TUBGCP2: variants seen among roughly 807,000 people sequenced by gnomAD.
TUBGCP2 encodes tubulin gamma complex component 2, also known as gamma-tubulin complex component 2.
In TUBGCP2, 55 loss-of-function variants were observed where a neutral mutation model predicts 92.2. The observed-to-expected ratio is 0.60, with a 90% CI of 0.48 to 0.75. TUBGCP2 has a LOEUF of 0.75. Ranked by LOEUF, TUBGCP2 falls within the 30% of genes least tolerant of loss-of-function variation. The pLI is 0.00. For synonymous variants in TUBGCP2, 533 were observed against 505.2 expected (o/e 1.06, Z -0.74); for missense variants, 1,093 against 1,188.9 (o/e 0.92, Z 1.19).
At chr10:133,309,845 C>T (rs761613578), upstream of TUBGCP2, 54 of 1,613,696 alleles carry the variant, frequency 3.3e-5, no homozygotes, top group Non-Finnish European at 4.2e-5. Flanking sequence ...ACTACGAGCA[C>T]CACTACCACA....
At chr10:133,291,119 G>C (rs1458203985) in intron 8 of TUBGCP2, 1 of 319,072 alleles carries the variant, frequency 3.1e-6, no homozygotes, top group Non-Finnish European at 5.9e-6. Context: ...AAGGCCATAA[G>C]CAGCTGGGCC....
chr10:133,308,746 G>A (rs1189776095), intron 1 of TUBGCP2, 77 bp downstream of exon 1: 4 of 332,576 alleles, frequency 1.2e-5, no homozygotes, highest in Non-Finnish European at 2.2e-5. Context: ...CAGCCCCGTC[G>A]CCTCGTGGGC....
chr10:133,309,600 T>TG, upstream of TUBGCP2: 2 of 1,268,838 alleles, frequency 1.6e-6, no homozygotes, highest in South Asian at 2.7e-5. Context: ...AGCTTTGGCG[T>TG]GGCCGACTCT....
At chr10:133,309,113 G>A (rs752004483), upstream of TUBGCP2, 14 of 1,331,188 alleles carry the variant, frequency 1.1e-5, no homozygotes, top group Admixed American at 1.4e-4. Context: ...GAGCAAAAGA[G>A]GGAAAAAGTA....
In TUBGCP2 at chr10:133,282,259, C is replaced by T. The variant is rs745615716; in HGVS notation, c.2373G>A (p.Gly791=). ...EHSTVLGLPA[G]AEERARKELA... is the part of the protein sequence containing the mutation. ...GCTCCTTCCGGGCCCGCTCCTCGGC[C>T]CCTGCGGGCAGCCCCAGGACGGTGC... The change falls in exon 16 of 18, where the codon GGG becomes GGA. Residue 791 remains glycine (G), a synonymous_variant. Coordinates refer to ENST00000252936, the MANE Select transcript of TUBGCP2 (RefSeq NM_006659.4). 3 of 1,611,894 alleles carry T rather than the reference C, an allele frequency of 1.9e-6. No homozygotes were observed. The highest frequency in any genetic ancestry group is 2.5e-6 in the Non-Finnish European group (3 of 1,179,344).
At chr10:133,304,603 C>T (rs1420167102) in intron 1 of TUBGCP2, among the ~76,000 whole-genome samples, 1 of 152,218 alleles carries the variant, frequency 6.6e-6, no homozygotes, top group African/African-American at 2.4e-5. Flanking sequence ...GGCGGCAAGC[C>T]ACCCAGGTGC....
rs902249819 is a variant in TUBGCP2 at position 133,283,828 on chromosome 10, C to A, written c.2145+54G>T. On this transcript the variant is annotated intron_variant, in intron 14 of 17. Coordinates refer to ENST00000252936, the MANE Select transcript of TUBGCP2 (RefSeq NM_006659.4). ...CTGCCTCTCCTGCACTTCCTGTCTC[C>A]CTGTGAAAGGAAAGTGGCTTTCAAA... The A allele has an allele frequency of 9.4e-6, 15 of 1,600,660 alleles. No individual in the cohort carries two copies. The African/African-American group carries it at 1.9e-4, about 20-fold the overall frequency.
At chr10:133,306,870 G>A (rs898042565) in intron 1 of TUBGCP2, among the ~76,000 whole-genome samples, 10 of 152,174 alleles carry the variant, frequency 6.6e-5, no homozygotes, top group South Asian at 2.1e-4. Flanking sequence ...ATGCCCGCAC[G>A]TCATGAGTGT....
chr10:133,307,894 G>C (rs554547223), intron 1 of TUBGCP2, among the ~76,000 whole-genome samples: 1 of 152,202 alleles, frequency 6.6e-6, no homozygotes, highest in Non-Finnish European at 1.5e-5. Flanking sequence ...TGCCCAGCAG[G>C]TGGCGGTGCT....
At position 133,296,620 on chromosome 10, in the gene TUBGCP2, G is replaced by A. The variant is rs551195702; in HGVS notation, c.616+1332C>T. Reference sequence around the variant, plus strand: ...AGCCTCCTGAGTAGCTGGGACTACAGGTGCACGCTACCACACTCGGCTAAT... The same window carrying A: ...AGCCTCCTGAGTAGCTGGGACTACAAGTGCACGCTACCACACTCGGCTAAT... On this transcript the variant is annotated intron_variant, in intron 5 of 17. Coordinates refer to ENST00000252936, the MANE Select transcript of TUBGCP2 (RefSeq NM_006659.4). 7.2e-5 allele frequency among the ~76,000 whole-genome samples: 11 copies of A among 152,148 alleles called. No individual in the cohort carries two copies. The East Asian group carries it at 1.7e-3, about 24-fold the overall frequency.
Position 133,292,590 on chromosome 10 carries a change from G to C in TUBGCP2, c.1123C>G (p.Leu375Val), listed in dbSNP as rs1847383332. 1 of 1,614,198 alleles carries C rather than the reference G, an allele frequency of 6.2e-7. No homozygotes were observed. The highest frequency in any genetic ancestry group is 8.5e-7 in the Non-Finnish European group (1 of 1,180,032). ...GCCGCCTTGGTTAGGTACAGGCATA[G>C]CTCCTGCGCCTGGCTGTCCCCTGTG... ...SYTGDSQAQE[L>V]CLYLTKAASA... The change falls in exon 8 of 18, where the codon CTA (leucine) becomes GTA (valine). Residue 375 changes from leucine to valine, a missense_variant. This residue lies in a region of TUBGCP2 where 490 missense variants were observed against 488.5 expected (regional missense o/e 1.00). Coordinates refer to ENST00000252936, the MANE Select transcript of TUBGCP2 (RefSeq NM_006659.4).
rs906993975 is a variant in TUBGCP2, at chr10:133,308,846, C to A, written c.-63G>T. ...ACCGCAGTCCCGGAGCCACAGCCCC[C>A]GCGCAGCCCCCGACGGCGGCGGAAG... On this transcript the variant is annotated 5_prime_UTR_variant, in exon 1 of 18. Coordinates refer to ENST00000252936, the MANE Select transcript of TUBGCP2 (RefSeq NM_006659.4). The A allele has an allele frequency of 5.3e-5, 57 of 1,079,744 alleles. No homozygotes were observed. The highest frequency in any genetic ancestry group is 6.5e-5 in the Non-Finnish European group (56 of 860,472). 66.9% of individuals were successfully genotyped at this position (1,079,744 alleles called of 1,614,324 possible).
chr10:133,286,851 AG>A (rs1847145831), intron 11 of TUBGCP2, among the ~76,000 whole-genome samples: 1 of 152,264 alleles, frequency 6.6e-6, no homozygotes, highest in Non-Finnish European at 1.5e-5. Context: ...TTATGACGCT[AG>A]GGGATCAGCG....
intron 1 of TUBGCP2, among the ~76,000 whole-genome samples, chr10:133,307,739 T>C (rs551912825): frequency 6.6e-6 from 1 of 152,246 alleles, no homozygotes; most frequent in Non-Finnish European, 1.5e-5. Flanking sequence ...AGAGAGACAC[T>C]ATCTCCAAAA....
chr10:133,308,888 TCCGGC>T, upstream of TUBGCP2: 1 of 1,200,678 alleles, frequency 8.3e-7, no homozygotes, highest in Non-Finnish European at 1.0e-6. Flanking sequence ...TGACGTCACG[TCCGGC>T]TCGGCTCGCG....
intron 17 of TUBGCP2, among the ~76,000 whole-genome samples, chr10:133,280,208 C>T (rs1564932794): frequency 6.6e-6 from 1 of 152,202 alleles, no homozygotes; most frequent in African/African-American, 2.4e-5. Context: ...CTGTTCAGTC[C>T]TGCTCAAAGG....
At chr10:133,293,288 T>A in intron 6 of TUBGCP2, 50 bp from the exon 7 acceptor site, 2 of 1,588,188 alleles carry the variant, frequency 1.3e-6, no homozygotes, top group Non-Finnish European at 1.7e-6. Context: ...TGCAGGCACA[T>A]ACAATGTCCG....
upstream of TUBGCP2, chr10:133,309,470 G>A: frequency 6.2e-7 from 1 of 1,611,322 alleles, no homozygotes; most frequent in Non-Finnish European, 8.5e-7. Flanking sequence ...CCAGGTAAGC[G>A]AATGGGCAGT....
upstream of TUBGCP2, chr10:133,309,406 G>A (rs767898882): frequency 2.5e-6 from 4 of 1,612,006 alleles, no homozygotes; most frequent in Non-Finnish European, 3.4e-6. Flanking sequence ...GACGTGCAGC[G>A]CCACCTCTAC....
Sources: gnomAD v4.1 joint callset for allele counts (sites outside exome capture counted in the v4.1 genomes callset) on GRCh38, gnomAD v4.1.1 for gene constraint, gnomAD v4.1.1 regional missense constraint, MANE v1.5 for transcripts, NCBI Gene and HGNC (gene_info 2026-07-23, HGNC 2026-07-21) for gene names.